Variants in SAP30BP observed in about 807,000 individuals in gnomAD.
SAP30BP encodes SAP30 binding protein.
Under a neutral mutation model 46.3 loss-of-function variants are expected in SAP30BP, and 31 were observed. The observed-to-expected ratio is 0.67, with a 90% CI of 0.50 to 0.90. SAP30BP has a LOEUF of 0.90. SAP30BP is among the 40% of genes least tolerant of loss of function. The pLI, the probability that SAP30BP is intolerant of heterozygous loss-of-function variation, is 0.00. For missense variants in SAP30BP, 312 were observed against 391.0 expected, an observed-to-expected ratio of 0.80 and a Z score of 1.70; for synonymous variants, 169 against 144.2, an observed-to-expected ratio of 1.17 and a Z score of -1.23.
chr17:75,707,070 C>CA lies in SAP30BP; in HGVS notation c.*550dup, dbSNP rs751525919. On this transcript the variant is annotated 3_prime_UTR_variant, in exon 11 of 11. Coordinates refer to ENST00000584667, the MANE Select transcript of SAP30BP (RefSeq NM_013260.8). ...CTGTGCTCCCTTGAGTGCACTTGAGCACTCCCCAGACCAGATCACTTTTTG... is the reference window on the plus strand; with the variant it reads ...CTGTGCTCCCTTGAGTGCACTTGAGCAACTCCCCAGACCAGATCACTTTTTG... 1 of 164,522 alleles carries CA rather than the reference C, an allele frequency of 6.1e-6. No individual in the cohort carries two copies. The allele number at this position is 164,522 out of a possible 1,614,324, so 10.2% of individuals were successfully genotyped here.
chr17:75,674,705 T>TTTTG (rs1568300420), intron 3 of SAP30BP, among the ~76,000 whole-genome samples: 2 of 116,746 alleles, frequency 1.7e-5, no homozygotes, highest in Non-Finnish European at 3.6e-5. Flanking sequence ...TTGTTTTTTT[T>TTTTG]TTTTTTTTTT....
intron 1 of SAP30BP, 107 bp downstream of exon 1, chr17:75,667,585 G>C (rs1001811993): frequency 2.0e-6 from 2 of 992,516 alleles, no homozygotes; most frequent in Admixed American, 4.4e-5. Context: ...CCAAGCACCG[G>C]ACCCCGAAGA....
At chr17:75,690,622 C>A (rs1036886339) in intron 3 of SAP30BP, 12 of 453,454 alleles carry the variant, frequency 2.6e-5, no homozygotes, top group Non-Finnish European at 5.3e-5. Flanking sequence ...CCTGACCAAG[C>A]GAGCACTTTA....
chr17:75,667,357 G>A lies in SAP30BP; in HGVS notation c.-16G>A. ...TGAGTCATAGGAGTGAGCCACGCCC[G>A]GGCTGTGGGAATAAGATGGCGGGGA... On this transcript the variant is annotated 5_prime_UTR_variant, in exon 1 of 11. Coordinates refer to ENST00000584667, the MANE Select transcript of SAP30BP (RefSeq NM_013260.8). 3 of 1,613,758 alleles carry A rather than the reference G, an allele frequency of 1.9e-6. No individual in the cohort carries two copies. Among genetic ancestry groups the A allele is most frequent in the Non-Finnish European group, 2.5e-6 (3 of 1,179,722 alleles).
intron 3 of SAP30BP, among the ~76,000 whole-genome samples, chr17:75,678,020 A>G (rs979921846): frequency 6.6e-6 from 1 of 151,994 alleles, no homozygotes; most frequent in Non-Finnish European, 1.5e-5. Context: ...TGTTAGCCTT[A>G]TGGGGTCTTG....
At chr17:75,696,960 G>A (rs2060330653) in intron 4 of SAP30BP, among the ~76,000 whole-genome samples, 1 of 151,906 alleles carries the variant, frequency 6.6e-6, no homozygotes, top group Non-Finnish European at 1.5e-5. Context: ...TGTATTTTTA[G>A]TAGGGATGGG....
chr17:75,705,233 G>A (rs1051963054), intron 9 of SAP30BP: 7 of 214,288 alleles, frequency 3.3e-5, no homozygotes, highest in South Asian at 2.8e-4. Context: ...TAGGTCCCAC[G>A]TTAGGGCCCT....
At chr17:75,687,964 CAG>C (rs1016011276) in intron 3 of SAP30BP, among the ~76,000 whole-genome samples, 3 of 72,306 alleles carry the variant, frequency 4.1e-5, no homozygotes, top group African/African-American at 1.7e-4. Context: ...GTGAGAGAGA[CAG>C]AGAGAGGTCA....
chr17:75,686,020 G>A (rs2060151066), intron 3 of SAP30BP, among the ~76,000 whole-genome samples: 1 of 152,224 alleles, frequency 6.6e-6, no homozygotes, highest in Admixed American at 6.5e-5. Flanking sequence ...TTACATTGAA[G>A]TCTAGTTGGT....
chr17:75,672,809 T>A (rs904302260), intron 3 of SAP30BP, among the ~76,000 whole-genome samples: 1 of 151,756 alleles, frequency 6.6e-6, no homozygotes, highest in Non-Finnish European at 1.5e-5. Context: ...ATACAAAAAT[T>A]AACTGGTGAG....
intron 4 of SAP30BP, among the ~76,000 whole-genome samples, chr17:75,696,870 T>C (rs1960612794): frequency 6.7e-6 from 1 of 149,106 alleles, no homozygotes; most frequent in African/African-American, 2.5e-5. Flanking sequence ...CTCCGCCTCC[T>C]GGGTTCACAC....
intron 2 of SAP30BP, among the ~76,000 whole-genome samples, chr17:75,669,056 C>G (rs192437353): frequency 6.6e-6 from 1 of 151,272 alleles, no homozygotes; most frequent in East Asian, 1.9e-4. Flanking sequence ...AAGGAAAATT[C>G]GTTTTCACCT....
chr17:75,699,328 G>A (rs1425894722), intron 4 of SAP30BP, among the ~76,000 whole-genome samples: 1 of 152,032 alleles, frequency 6.6e-6, no homozygotes, highest in African/African-American at 2.4e-5. Context: ...TCAATAGCTG[G>A]GTTTACAGGC....
rs3743999 is a variant in SAP30BP at position 75,703,466 on chromosome 17, G to C, written c.549+95G>C. The C allele has an allele frequency of 6.4e-3, 6,871 of 1,065,936 alleles. 285 individuals carry two copies. In the East Asian group the frequency reaches 0.1, roughly 16 times the overall value. 66.0% of individuals were successfully genotyped at this position (1,065,936 alleles called of 1,614,324 possible). On this transcript the variant is annotated intron_variant, in intron 7 of 10. Transcript: ENST00000584667. ...GACCTGCAGCCACAGAAAGGTCCACGTGGTGGCACGGCTCGTTGAAAGCAC... is the reference window on the plus strand; with the variant it reads ...GACCTGCAGCCACAGAAAGGTCCACCTGGTGGCACGGCTCGTTGAAAGCAC...
At chr17:75,691,284 C>T (rs73368039) in intron 3 of SAP30BP, 5,129 of 377,172 alleles carry the variant, frequency 0.014, 240 homozygotes, top group African/African-American at 0.099. Context: ...ATTTCTTAGG[C>T]GTAGAAGGAA....
chr17:75,678,463 A>AACACACAC (rs59943167), intron 3 of SAP30BP, among the ~76,000 whole-genome samples: 595 of 147,636 alleles, frequency 4.0e-3, no homozygotes, highest in African/African-American at 8.4e-3. Flanking sequence ...CACAATTTAA[A>AACACACAC]ACACACACAC....
intron 9 of SAP30BP, 144 bp downstream of exon 9, chr17:75,704,958 C>G: frequency 1.4e-6 from 1 of 699,142 alleles, no homozygotes; most frequent in Non-Finnish European, 2.6e-6. Context: ...TCAGCAGGGC[C>G]TGTGTGCTGA....
At chr17:75,678,825 C>CT (rs1343607544) in intron 3 of SAP30BP, among the ~76,000 whole-genome samples, 1 of 152,124 alleles carries the variant, frequency 6.6e-6, no homozygotes, top group Non-Finnish European at 1.5e-5. Flanking sequence ...TGAAGGTCTG[C>CT]TGAGGGAAAG....
In SAP30BP at chr17:75,691,636, A is replaced by G. The variant is rs1034209779; in HGVS notation, c.265-1804A>G. 3.2e-5 allele frequency: 12 copies of G among 375,030 alleles called. No individual in the cohort carries two copies. In the Admixed American group the frequency reaches 3.5e-4, roughly 11 times the overall value. 23.2% of individuals were successfully genotyped at this position (375,030 alleles called of 1,614,324 possible). ...CCTTGTGTGGGGATTGGGCCTCTGC[A>G]GTTGAGTCCATGAGAAGGGGTGGGT... is the stretch of plus-strand genomic sequence containing the variant. On this transcript the variant is annotated intron_variant, in intron 3 of 10. Coordinates refer to ENST00000584667, the MANE Select transcript of SAP30BP (RefSeq NM_013260.8).
Sources: allele counts gnomAD v4.1 joint callset (sites outside exome capture counted in the v4.1 genomes callset), GRCh38; gene constraint gnomAD v4.1.1; transcripts MANE v1.5; gene names NCBI Gene and HGNC (gene_info 2026-07-23, HGNC 2026-07-21).